Variants in RABGAP1L observed in about 807,000 individuals in gnomAD.
RABGAP1L encodes RAB GTPase activating protein 1 like, also known as rab GTPase-activating protein 1-like.
A neutral mutation model predicts 137.7 loss-of-function variants in RABGAP1L; 63 were observed. The ratio of observed to expected loss-of-function variants is 0.46; its 90% confidence interval spans 0.37 to 0.56. The LOEUF (loss-of-function observed/expected upper bound fraction) is 0.56, where lower values mean the gene tolerates loss of function less well. RABGAP1L is among the 20% of genes least tolerant of loss of function. The probability of loss-of-function intolerance (pLI) is 0.00; values close to 1 mark genes in which losing one functional copy is unlikely to be tolerated. For synonymous variants in RABGAP1L, 431 were observed against 433.7 expected, an observed-to-expected ratio of 0.99 and a Z score of 0.08; for missense variants, 1,095 against 1,244.0, an observed-to-expected ratio of 0.88 and a Z score of 1.80.
intron 19 of RABGAP1L, among the ~76,000 whole-genome samples, chr1:174,836,317 A>G (rs924510830): frequency 3.3e-5 from 5 of 152,118 alleles, no homozygotes; most frequent in Admixed American, 1.3e-4. Flanking sequence ...CTTTCTTTCT[A>G]TGCTCCATAT....
At chr1:174,683,421 C>T (rs1384766838) in intron 14 of RABGAP1L, 101 bp from the exon 15 acceptor site, 5 of 854,878 alleles carry the variant, frequency 5.8e-6, no homozygotes, top group East Asian at 2.6e-5. Flanking sequence ...TTGTGGTTGA[C>T]AGCCCAGGGA....
intron 20 of RABGAP1L, chr1:174,958,239 A>AGT: frequency 2.4e-6 from 3 of 1,244,750 alleles, no homozygotes; most frequent in Non-Finnish European, 3.2e-6. Context: ...TATGAACAAC[A>AGT]GTGATATTTG....
At chr1:174,973,138 CTG>C (rs896851149) in intron 21 of RABGAP1L, among the ~76,000 whole-genome samples, 4 of 152,070 alleles carry the variant, frequency 2.6e-5, no homozygotes, top group African/African-American at 7.2e-5. Context: ...AGAGGAGAAA[CTG>C]TGAATTAAGC....
chr1:174,850,066 A>G (rs1257515690), intron 19 of RABGAP1L: 1 of 543,112 alleles, frequency 1.8e-6, no homozygotes, highest in African/African-American at 1.9e-5. Flanking sequence ...CTGTTGGTAG[A>G]GGGGTGTCTG....
At chr1:174,376,367 C>T (rs550250811) in intron 12 of RABGAP1L, among the ~76,000 whole-genome samples, 5 of 151,894 alleles carry the variant, frequency 3.3e-5, no homozygotes, top group South Asian at 2.1e-4. Flanking sequence ...ATATCAAAAC[C>T]GGATGAAAAT....
At chr1:174,168,625 G>T (rs1665104274) in intron 1 of RABGAP1L, among the ~76,000 whole-genome samples, 1 of 152,186 alleles carries the variant, frequency 6.6e-6, no homozygotes, top group South Asian at 2.1e-4. Flanking sequence ...TGGTAATTCA[G>T]TTAATGTCTT....
At chr1:174,543,120 C>T (rs923501143) in intron 13 of RABGAP1L, among the ~76,000 whole-genome samples, 3 of 152,124 alleles carry the variant, frequency 2.0e-5, no homozygotes, top group Non-Finnish European at 4.4e-5. Context: ...CTGGTTGGTG[C>T]AGAGCTGAGT....
chr1:174,536,154 G>T (rs1279169989), intron 13 of RABGAP1L, among the ~76,000 whole-genome samples: 6 of 151,608 alleles, frequency 4.0e-5, no homozygotes, highest in Non-Finnish European at 8.8e-5. Context: ...TATTGATAAG[G>T]TGTGCACTTG....
rs1430463425 is a variant in RABGAP1L, at chr1:174,378,182, T to TAG, written c.1559+7110_1559+7111insAG. On this transcript the variant is annotated intron_variant, in intron 12 of 25. Coordinates refer to ENST00000681986, the MANE Select transcript of RABGAP1L (RefSeq NM_001366446.1). ...TGCCACATTTTCTTAATCCAGTCTA[T>TAG]CATTGTTGGACATTTGGGTTGGTTC... Among the ~76,000 whole-genome samples the TAG allele has an allele frequency of 3.6e-4, 54 of 148,724 alleles. No homozygotes were observed. The East Asian group carries it at 9.0e-3, about 25-fold the overall frequency.
At chr1:174,816,147 C>CTTTTTTTTTTTTTTTTTT (rs67065448) in intron 19 of RABGAP1L, among the ~76,000 whole-genome samples, 1 of 86,188 alleles carries the variant, frequency 1.2e-5, no homozygotes, top group Non-Finnish European at 2.1e-5. Flanking sequence ...TAATACATAG[C>CTTTTTTTTTTTTTTTTTT]TTTTTTTTTT....
intron 13 of RABGAP1L, among the ~76,000 whole-genome samples, chr1:174,571,691 C>T (rs1667989199): frequency 2.0e-5 from 3 of 152,148 alleles, no homozygotes; most frequent in South Asian, 4.1e-4. Context: ...ACATACTATA[C>T]CAAAGCTCTT....
chr1:174,662,121 T>TTTTG (rs59243192), intron 14 of RABGAP1L, among the ~76,000 whole-genome samples: 2,071 of 135,192 alleles, frequency 0.015, 42 homozygotes, highest in African/African-American at 0.027. Flanking sequence ...TTTTTTTTTT[T>TTTTG]GAGTTGGAGT....
chr1:174,172,615 T>TC (rs1665510980), intron 1 of RABGAP1L, among the ~76,000 whole-genome samples: 1 of 152,200 alleles, frequency 6.6e-6, no homozygotes, highest in Non-Finnish European at 1.5e-5. Context: ...TCAGTGCTTT[T>TC]TCATATACCT....
chr1:174,660,482 T>G (rs543460147), intron 14 of RABGAP1L, among the ~76,000 whole-genome samples: 1 of 152,190 alleles, frequency 6.6e-6, no homozygotes, highest in Admixed American at 6.5e-5. Flanking sequence ...CAGAATCTTA[T>G]TATTTCTTGC....
At chr1:174,826,823 A>T (rs1158178605) in intron 19 of RABGAP1L, among the ~76,000 whole-genome samples, 1 of 152,102 alleles carries the variant, frequency 6.6e-6, no homozygotes, top group Non-Finnish European at 1.5e-5. Flanking sequence ...TGACATTTTA[A>T]CAAAAGCCAT....
chr1:174,183,285 G>A (rs1666527546), intron 1 of RABGAP1L, among the ~76,000 whole-genome samples: 1 of 152,130 alleles, frequency 6.6e-6, no homozygotes, highest in Non-Finnish European at 1.5e-5. Flanking sequence ...TTTTGCCCAG[G>A]CCCTGCCGTG....
intron 19 of RABGAP1L, among the ~76,000 whole-genome samples, chr1:174,847,502 G>T (rs1244889727): frequency 6.7e-6 from 1 of 149,532 alleles, no homozygotes; most frequent in Non-Finnish European, 1.5e-5. Context: ...AGTTTGGCTG[G>T]ATATGAAATT....
intron 13 of RABGAP1L, among the ~76,000 whole-genome samples, chr1:174,610,432 C>A (rs1385643371): frequency 6.6e-6 from 1 of 151,800 alleles, no homozygotes; most frequent in African/African-American, 2.4e-5. Context: ...ATATGTGCCA[C>A]ATTTTCTTAA....
chr1:174,821,243 G>T (rs1297512265), intron 19 of RABGAP1L, among the ~76,000 whole-genome samples: 1 of 152,106 alleles, frequency 6.6e-6, no homozygotes, highest in Non-Finnish European at 1.5e-5. Context: ...TGCAGGTAGC[G>T]GGAATGAGGG....
Sources: allele counts gnomAD v4.1 joint callset (sites outside exome capture counted in the v4.1 genomes callset), GRCh38; gene constraint gnomAD v4.1.1; transcripts MANE v1.5; gene names NCBI Gene and HGNC (gene_info 2026-07-23, HGNC 2026-07-21).